TLN2: variants seen among roughly 807,000 people sequenced by gnomAD.
TLN2 encodes the protein talin-2.
A neutral mutation model predicts 294.7 loss-of-function variants in TLN2; 118 were observed. The ratio of observed to expected loss-of-function variants is 0.40; its 90% CI spans 0.34 to 0.47. The LOEUF (loss-of-function observed/expected upper bound fraction) is 0.47, where lower values mean the gene tolerates loss of function less well. TLN2 is among the 20% of genes least tolerant of loss of function. The probability of loss-of-function intolerance (pLI) is 0.84; values close to 1 mark genes in which losing one functional copy is unlikely to be tolerated. For synonymous variants in TLN2, 1,431 were observed against 1,304.5 expected, an observed-to-expected ratio of 1.10 and a Z score of -2.09; for missense variants, 3,083 against 3,282.2, an observed-to-expected ratio of 0.94 and a Z score of 1.48.
At chr15:62,669,201 C>T (rs921956400) in intron 9 of TLN2, among the ~76,000 whole-genome samples, 1 of 152,166 alleles carries the variant, frequency 6.6e-6, no homozygotes, top group African/African-American at 2.4e-5. Flanking sequence ...ACAACTATTA[C>T]CCTTAGGAAG....
rs1222724908 is a variant in TLN2 at position 62,776,822 on chromosome 15, A to G, written c.5426A>G (p.Asp1809Gly). Residue 1809 changes from aspartate to glycine, a missense_variant, in exon 43 of 59, where the codon GAT becomes GGT. Physicochemically the swap from Asp to Gly is moderately conservative, Grantham distance 94. Transcript: ENST00000636159. ...EAAQLMKEAV[D>G]DIMVTLNEAA... ...GCCCAGTTGATGAAGGAAGCCGTGG[A>G]TGACATCATGGTGACGCTGAACGAA... is the stretch of plus-strand genomic sequence containing the variant. 2 of 1,600,868 alleles carry G rather than the reference A, an allele frequency of 1.2e-6. No individual in the cohort carries two copies. The highest frequency in any genetic ancestry group is 1.7e-5 in the Admixed American group (1 of 58,388).
intron 1 of TLN2, among the ~76,000 whole-genome samples, chr15:62,417,214 C>T (rs1353866488): frequency 1.3e-5 from 2 of 152,150 alleles, no homozygotes; most frequent in Admixed American, 6.5e-5. Flanking sequence ...GCTTATTCTG[C>T]CTCTATAATT....
At chr15:62,442,749 A>C (rs544253697) in intron 1 of TLN2, among the ~76,000 whole-genome samples, 26 of 152,312 alleles carry the variant, frequency 1.7e-4, no homozygotes, top group East Asian at 3.9e-4. Flanking sequence ...GCTGTAACAA[A>C]TTACTACACA....
chr15:62,683,302 C>T (rs1334782971), intron 11 of TLN2, among the ~76,000 whole-genome samples: 2 of 152,228 alleles, frequency 1.3e-5, no homozygotes, highest in African/African-American at 4.8e-5. Flanking sequence ...TGAAAAGAGC[C>T]TGCAGACAGC....
At chr15:62,472,756 G>GC (rs1238417609) in intron 1 of TLN2, among the ~76,000 whole-genome samples, 1 of 152,166 alleles carries the variant, frequency 6.6e-6, no homozygotes, top group Non-Finnish European at 1.5e-5. Flanking sequence ...CACTGATCAT[G>GC]CCCCTATAGC....
chr15:62,751,622 T>C (rs1050698467), intron 34 of TLN2, among the ~76,000 whole-genome samples: 1 of 152,220 alleles, frequency 6.6e-6, no homozygotes, highest in South Asian at 2.1e-4. Flanking sequence ...TCCATCATTG[T>C]TGCCAAGGAA....
intron 1 of TLN2, among the ~76,000 whole-genome samples, chr15:62,504,818 GGTGT>G (rs377405417): frequency 5.8e-4 from 83 of 143,596 alleles, no homozygotes; most frequent in South Asian, 1.9e-3. Flanking sequence ...TAGTTGGTGG[GGTGT>G]GTGTGTGTGT....
At chr15:62,543,886 G>A (rs1261952254) in intron 1 of TLN2, among the ~76,000 whole-genome samples, 4 of 152,118 alleles carry the variant, frequency 2.6e-5, no homozygotes, top group African/African-American at 9.7e-5. Context: ...ACAATGGGGA[G>A]CTGTGAGAGC....
intron 1 of TLN2, among the ~76,000 whole-genome samples, chr15:62,421,715 C>T (rs1216036972): frequency 1.3e-5 from 2 of 151,850 alleles, no homozygotes; most frequent in African/African-American, 4.8e-5. Flanking sequence ...GAGAAAATAA[C>T]CCAGGCTTGA....
intron 47 of TLN2, 27 bp from the exon 48 acceptor site, chr15:62,797,192 T>C: frequency 6.2e-7 from 1 of 1,613,622 alleles, no homozygotes; most frequent in Non-Finnish European, 8.5e-7. Context: ...TCTCTCCCCC[T>C]CTCCCCTGCC....
chr15:62,416,844 C>G (rs1426954287), intron 1 of TLN2, among the ~76,000 whole-genome samples: 1 of 152,054 alleles, frequency 6.6e-6, no homozygotes, highest in Non-Finnish European at 1.5e-5. Context: ...TGATAATTAC[C>G]TCCCCTTGCT....
intron 43 of TLN2, among the ~76,000 whole-genome samples, chr15:62,778,552 C>T (rs549239231): frequency 6.6e-6 from 1 of 152,344 alleles, no homozygotes; most frequent in African/African-American, 2.4e-5. Flanking sequence ...GGAAGATGGA[C>T]GTCAGATCCA....
intron 12 of TLN2, 45 bp downstream of exon 12, chr15:62,686,841 G>A: frequency 1.2e-6 from 2 of 1,604,640 alleles, no homozygotes; most frequent in Non-Finnish European, 1.7e-6. Context: ...GTGGCCTTGA[G>A]TGATATTGTG....
At chr15:62,695,540 G>A (rs559940470) in intron 14 of TLN2, among the ~76,000 whole-genome samples, 8 of 152,290 alleles carry the variant, frequency 5.3e-5, no homozygotes, top group South Asian at 4.1e-4. Context: ...CAGATCTTGC[G>A]ATGTTTCCCA....
At chr15:62,755,439 T>A in intron 36 of TLN2, 93 bp from the exon 37 acceptor site, 10 of 1,450,748 alleles carry the variant, frequency 6.9e-6, no homozygotes, top group Non-Finnish European at 9.2e-6. Context: ...GCTCTGAACA[T>A]GTGAGTTGAA....
chr15:62,400,288 A>G (rs1260626866), intron 1 of TLN2, among the ~76,000 whole-genome samples: 1 of 152,202 alleles, frequency 6.6e-6, no homozygotes, highest in Non-Finnish European at 1.5e-5. Context: ...TCAATTACCC[A>G]GTCTTGGATA....
At chr15:62,691,371 T>G (rs975530535) in intron 12 of TLN2, among the ~76,000 whole-genome samples, 1 of 152,224 alleles carries the variant, frequency 6.6e-6, no homozygotes, top group Non-Finnish European at 1.5e-5. Context: ...TCCACACTAC[T>G]ATTTAGTCTA....
At position 62,414,163 on chromosome 15, in the gene TLN2, ACTATATATATAT is replaced by A. The variant is rs1237570742; in HGVS notation, c.-238+23479_-238+23490del. On this transcript the variant is annotated intron_variant, in intron 1 of 58. Coordinates refer to ENST00000636159, the MANE Select transcript of TLN2 (RefSeq NM_015059.3). ...CAGTGAAGTGTTAGCAAAAAAAAAA[ACTATATATATAT>A]ATATATATATATATATAATTTGAGA... Among the ~76,000 whole-genome samples, 13 of 37,364 alleles carry A rather than the reference ACTATATATATAT, an allele frequency of 3.5e-4. 1 individual carries two copies. The highest frequency in any genetic ancestry group is 6.1e-3 in the East Asian group (2 of 326). 24.5% of individuals were successfully genotyped at this position (37,364 alleles called of 152,430 possible). A position where few individuals can be genotyped will look rare whatever the true frequency, so the allele number is the denominator to read the frequency against.
At chr15:62,770,109 G>A (rs759059863) in intron 41 of TLN2, among the ~76,000 whole-genome samples, 4 of 152,228 alleles carry the variant, frequency 2.6e-5, no homozygotes, top group Non-Finnish European at 5.9e-5. Context: ...GGGCTGTGGG[G>A]TGGGATGCCG....
Sources: allele counts gnomAD v4.1 joint callset (sites outside exome capture counted in the v4.1 genomes callset), GRCh38; gene constraint gnomAD v4.1.1; transcripts MANE v1.5; gene names NCBI Gene and HGNC (gene_info 2026-07-23, HGNC 2026-07-21).